PLXDC2: variants seen among roughly 807,000 people sequenced by gnomAD.
The protein encoded by PLXDC2 is plexin domain-containing protein 2.
Under a neutral mutation model 68.9 loss-of-function variants are expected in PLXDC2, and 40 were observed. The ratio of observed to expected loss-of-function variants is 0.58; its 90% CI spans 0.45 to 0.76. The LOEUF (loss-of-function observed/expected upper bound fraction) is 0.76, where lower values mean the gene tolerates loss of function less well. Among genes scored for constraint, PLXDC2 ranks in the 30% least tolerant of loss-of-function variants. The probability of loss-of-function intolerance (pLI) is 0.00; values close to 1 mark genes in which losing one functional copy is unlikely to be tolerated. For synonymous variants in PLXDC2, 243 were observed against 234.2 expected (o/e 1.04, Z -0.34); for missense variants, 644 against 661.9 (o/e 0.97, Z 0.30).
intron 6 of PLXDC2, among the ~76,000 whole-genome samples, chr10:20,149,198 A>G (rs887006050): frequency 7.4e-6 from 1 of 135,100 alleles, no homozygotes; most frequent in African/African-American, 2.8e-5. Context: ...CTTGGATTCA[A>G]TAGTTATTTT....
intron 12 of PLXDC2, among the ~76,000 whole-genome samples, chr10:20,221,461 G>C (rs1187553677): frequency 1.3e-5 from 2 of 152,144 alleles, no homozygotes; most frequent in African/African-American, 4.8e-5. Context: ...TTAGACTTCA[G>C]ACTCTTCTTA....
intron 12 of PLXDC2, among the ~76,000 whole-genome samples, chr10:20,242,437 C>T (rs1279249667): frequency 6.6e-6 from 1 of 152,132 alleles, no homozygotes; most frequent in Non-Finnish European, 1.5e-5. Context: ...CACATCAACC[C>T]TATGGGGTAA....
At chr10:20,203,836 A>C (rs7922084) in intron 9 of PLXDC2, among the ~76,000 whole-genome samples, 36,898 of 152,140 alleles carry the variant, frequency 0.24, 5,867 homozygotes, top group Middle Eastern at 0.36. Flanking sequence ...TTTCCATCTG[A>C]AACTCATCTC....
chr10:19,922,496 T>G (rs7075937), intron 1 of PLXDC2, among the ~76,000 whole-genome samples: 1 of 152,032 alleles, frequency 6.6e-6, no homozygotes, highest in Non-Finnish European at 1.5e-5. Context: ...CTATGAGTCA[T>G]GATTCCACTT....
intron 1 of PLXDC2, among the ~76,000 whole-genome samples, chr10:20,001,147 G>A (rs1004743057): frequency 1.8e-4 from 28 of 152,224 alleles, no homozygotes; most frequent in African/African-American, 6.3e-4. Context: ...AGGTGAGAAC[G>A]GCACAGATGA....
chr10:19,956,581 C>A (rs1834073297), intron 1 of PLXDC2, among the ~76,000 whole-genome samples: 1 of 152,128 alleles, frequency 6.6e-6, no homozygotes, highest in Admixed American at 6.5e-5. Context: ...TGATAATAGA[C>A]ACTAGCTGAT....
chr10:20,093,182 G>A (rs75632281), intron 4 of PLXDC2, among the ~76,000 whole-genome samples: 11,614 of 152,122 alleles, frequency 0.076, 620 homozygotes, highest in Middle Eastern at 0.1. Flanking sequence ...ATGAGTAGAT[G>A]TTTGGATTCC....
intron 4 of PLXDC2, among the ~76,000 whole-genome samples, chr10:20,105,387 C>T (rs1743678246): frequency 6.6e-6 from 1 of 152,204 alleles, no homozygotes; most frequent in African/African-American, 2.4e-5. Context: ...TGATTTACAA[C>T]TAGTGGTAAC....
At position 20,130,494 on chromosome 10, in the gene PLXDC2, T is replaced by C. The variant is rs539804352; in HGVS notation, c.542-12801T>C. 2.0e-5 allele frequency among the ~76,000 whole-genome samples: 3 copies of C among 152,246 alleles called. No homozygotes were observed. In the South Asian group the frequency reaches 6.2e-4, roughly 32 times the overall value. Reference sequence around the variant, plus strand: ...TCTGGTTTGTCTTTTATTTCTTTTTTCTTGATTAATTGCTCTGGCTAGAAC... The same window carrying C: ...TCTGGTTTGTCTTTTATTTCTTTTTCCTTGATTAATTGCTCTGGCTAGAAC... On this transcript the variant is annotated intron_variant, in intron 4 of 13. Coordinates refer to ENST00000377252, the MANE Select transcript of PLXDC2 (RefSeq NM_032812.9).
intron 4 of PLXDC2, among the ~76,000 whole-genome samples, chr10:20,115,766 G>A (rs913192667): frequency 1.7e-4 from 26 of 152,142 alleles, no homozygotes; most frequent in Admixed American, 8.5e-4. Flanking sequence ...ATTTTAGTAC[G>A]ATTGAGTGTC....
chr10:20,172,900 T>G (rs1834467527), intron 7 of PLXDC2, among the ~76,000 whole-genome samples: 1 of 152,224 alleles, frequency 6.6e-6, no homozygotes, highest in Non-Finnish European at 1.5e-5. Context: ...TTATGTTTTA[T>G]TGAATGCCTA....
rs1361642616 is a variant in PLXDC2 at position 20,227,180 on chromosome 10, C to T, written c.1312+8078C>T. Reference sequence around the variant, plus strand: ...ATTTCTTCAACTATTGTGTACCAGGCCCATTGTTAGGTGATGCAGATGCAA... The same window carrying T: ...ATTTCTTCAACTATTGTGTACCAGGTCCATTGTTAGGTGATGCAGATGCAA... On this transcript the variant is annotated intron_variant, in intron 12 of 13. Coordinates refer to ENST00000377252, the MANE Select transcript of PLXDC2 (RefSeq NM_032812.9). 3.9e-5 allele frequency among the ~76,000 whole-genome samples: 6 copies of T among 152,030 alleles called. No individual in the cohort carries two copies. In the East Asian group the frequency reaches 9.7e-4, roughly 25 times the overall value.
At chr10:19,925,155 A>C (rs1421273476) in intron 1 of PLXDC2, among the ~76,000 whole-genome samples, 1 of 152,214 alleles carries the variant, frequency 6.6e-6, no homozygotes, top group East Asian at 1.9e-4. Flanking sequence ...AAAGTGCCGG[A>C]GAAGGTCACC....
intron 1 of PLXDC2, among the ~76,000 whole-genome samples, chr10:19,861,008 GA>G (rs1240697893): frequency 1.3e-5 from 1 of 78,718 alleles, no homozygotes; most frequent in Non-Finnish European, 2.3e-5. Flanking sequence ...TTTGCTGGGT[GA>G]TTTTTTTTTT....
At chr10:19,948,395 T>C (rs869137910) in intron 1 of PLXDC2, among the ~76,000 whole-genome samples, 9 of 150,852 alleles carry the variant, frequency 6.0e-5, no homozygotes, top group Admixed American at 4.6e-4. Context: ...TCTTTCTTTT[T>C]TTTTTTTTTT....
At position 19,975,731 on chromosome 10, in the gene PLXDC2, T is replaced by A. The variant is rs376333282; in HGVS notation, c.113-26044T>A. Among the ~76,000 whole-genome samples, 27 of 152,336 alleles carry A rather than the reference T, an allele frequency of 1.8e-4. 1 individual carries two copies. Among genetic ancestry groups the A allele is most frequent in the African/African-American group, 6.3e-4 (26 of 41,584 alleles). Reference sequence around the variant, plus strand: ...TTTACTGTCTGATTTTGGTATAATATGTCCTCTAATAGTTTCCTGGAAAAG... The same window carrying A: ...TTTACTGTCTGATTTTGGTATAATAAGTCCTCTAATAGTTTCCTGGAAAAG... On this transcript the variant is annotated intron_variant, in intron 1 of 13. Coordinates refer to ENST00000377252, the MANE Select transcript of PLXDC2 (RefSeq NM_032812.9).
intron 4 of PLXDC2, 134 bp downstream of exon 4, chr10:20,068,373 A>C (rs1342941753): frequency 5.2e-6 from 4 of 774,404 alleles, no homozygotes; most frequent in Admixed American, 6.8e-5. Context: ...TCATAGGTAT[A>C]AATAAAACCA....
intron 4 of PLXDC2, among the ~76,000 whole-genome samples, chr10:20,082,580 G>C (rs928435102): frequency 6.6e-6 from 1 of 152,120 alleles, no homozygotes; most frequent in Admixed American, 6.5e-5. Context: ...AAGTTTTGTA[G>C]CTCGATATTT....
At chr10:20,006,044 G>T (rs1011059239) in intron 2 of PLXDC2, among the ~76,000 whole-genome samples, 3 of 151,982 alleles carry the variant, frequency 2.0e-5, no homozygotes, top group Admixed American at 6.6e-5. Flanking sequence ...ACAAAAATTA[G>T]CTGGCGAGTG....
Sources: gnomAD v4.1 joint callset for allele counts (sites outside exome capture counted in the v4.1 genomes callset) on GRCh38, gnomAD v4.1.1 for gene constraint, MANE v1.5 for transcripts, NCBI Gene and HGNC (gene_info 2026-07-23, HGNC 2026-07-21) for gene names.